Variants in KCNH5 observed in about 807,000 individuals in gnomAD.
KCNH5 encodes the protein potassium voltage-gated channel subfamily H member 5.
Under a neutral mutation model 96.1 loss-of-function variants are expected in KCNH5, and 46 were observed. The ratio of observed to expected loss-of-function variants is 0.48; its 90% CI spans 0.38 to 0.61. The LOEUF is 0.61. KCNH5 is among the 20% of genes least tolerant of loss of function. KCNH5 has a pLI of 0.00. For synonymous variants in KCNH5, 439 were observed against 449.8 expected (o/e 0.98, Z 0.30); for missense variants, 907 against 1,225.8 (o/e 0.74, Z 3.88).
At chr14:62,760,675 A>G (rs1224498525) in intron 10 of KCNH5, among the ~76,000 whole-genome samples, 2 of 152,188 alleles carry the variant, frequency 1.3e-5, no homozygotes, top group Non-Finnish European at 2.9e-5. Flanking sequence ...AAAATGAATG[A>G]CTTTTTCCAA....
chr14:62,932,414 C>G (rs775477754), intron 7 of KCNH5, among the ~76,000 whole-genome samples: 5 of 146,214 alleles, frequency 3.4e-5, no homozygotes, highest in Non-Finnish European at 6.0e-5. Context: ...TTGGAATACA[C>G]GAAAACTTCT....
chr14:63,030,561 T>C lies in KCNH5; in HGVS notation c.74-13607A>G, dbSNP rs181992886. 2.8e-3 allele frequency among the ~76,000 whole-genome samples: 419 copies of C among 152,000 alleles called. 1 individual carries two copies. Among genetic ancestry groups the C allele is most frequent in the African/African-American group, 1.0e-2 (413 of 41,458 alleles). On this transcript the variant is annotated intron_variant, in intron 1 of 10. Transcript: ENST00000322893. ...ATCTTGACTGCACAGTTGAGTGGAG[T>C]GAAAGTTGAGGGAGATTGGAGGGGG...
intron 6 of KCNH5, among the ~76,000 whole-genome samples, chr14:62,971,216 C>A (rs557790718): frequency 2.0e-5 from 3 of 152,054 alleles, no homozygotes; most frequent in East Asian, 3.8e-4. Flanking sequence ...TTTCTGTATA[C>A]CAGCAAGGCA....
At chr14:63,000,856 C>A (rs562098214) in intron 4 of KCNH5, among the ~76,000 whole-genome samples, 2 of 152,310 alleles carry the variant, frequency 1.3e-5, no homozygotes, top group South Asian at 2.1e-4. Flanking sequence ...GGTCAGATAA[C>A]TTGAGCCCAA....
intron 10 of KCNH5, among the ~76,000 whole-genome samples, chr14:62,770,625 T>C (rs1885964474): frequency 6.6e-6 from 1 of 152,168 alleles, no homozygotes; most frequent in Non-Finnish European, 1.5e-5. Context: ...TGGGGACTTT[T>C]TTCTAAGTTT....
chr14:63,003,542 TATATATAG>T (rs1891060381), intron 3 of KCNH5, among the ~76,000 whole-genome samples: 1 of 94,650 alleles, frequency 1.1e-5, no homozygotes, highest in African/African-American at 4.0e-5. Flanking sequence ...TATTATATAT[TATATATAG>T]TATATATTAT....
At chr14:63,016,646 C>T (rs1891331528) in intron 2 of KCNH5, among the ~76,000 whole-genome samples, 185 bp downstream of exon 2, 1 of 152,026 alleles carries the variant, frequency 6.6e-6, no homozygotes, top group Non-Finnish European at 1.5e-5. Context: ...TTTCTTTTGG[C>T]AAAAGTTCTC....
chr14:63,016,951 G>T lies in KCNH5; in HGVS notation c.77C>A (p.Ser26Ter). Residue 26 changes from serine to a stop codon, truncating the protein, a stop_gained, in exon 2 of 11, where the codon TCA (serine) becomes TAA (stop). Transcript: ENST00000322893. LOFTEE classifies it high-confidence loss of function. ...CTGGGCATTTCCCAGTAAGAAACTT[G>T]ATTCTGAAGAAGAAAGGAGAAAAAA... ...LENIVRRSSE[S>*]SFLLGNAQIV... 1 of 1,600,086 alleles carries T rather than the reference G, an allele frequency of 6.2e-7. No homozygotes were observed. Among genetic ancestry groups the T allele is most frequent in the Admixed American group, 1.7e-5 (1 of 57,420 alleles).
intron 7 of KCNH5, among the ~76,000 whole-genome samples, chr14:62,938,958 C>T (rs1201799802): frequency 6.6e-6 from 1 of 152,166 alleles, no homozygotes; most frequent in Non-Finnish European, 1.5e-5. Flanking sequence ...TTTAGAAAAA[C>T]ATATTGGCTG....
chr14:62,901,062 C>T (rs1888915137), intron 7 of KCNH5, among the ~76,000 whole-genome samples: 1 of 152,080 alleles, frequency 6.6e-6, no homozygotes, highest in Non-Finnish European at 1.5e-5. Context: ...GATCTCGGCT[C>T]AATACAACCT....
rs766131657 is a variant in KCNH5 at position 62,708,411 on chromosome 14, C to T, written c.2064G>A (p.Glu688=). ...KISDVKKEEE[E]RLRQKNEVTL... is the part of the protein sequence containing the mutation. ...TCACCTCATTCTTCTGCCGGAGGCG[C>T]TCCTCCTCCTCTTTCTTCACATCAC... is the stretch of plus-strand genomic sequence containing the variant. The change falls in exon 11 of 11, where the codon GAG becomes GAA. Residue 688 remains glutamate (E), a synonymous_variant. Transcript: ENST00000322893. 3.7e-6 allele frequency: 6 copies of T among 1,608,208 alleles called. No homozygotes were observed. The East Asian group carries it at 8.9e-5, about 24-fold the overall frequency.
At chr14:62,945,434 T>C (rs542771835) in intron 7 of KCNH5, among the ~76,000 whole-genome samples, 2 of 152,254 alleles carry the variant, frequency 1.3e-5, no homozygotes, top group East Asian at 3.9e-4. Flanking sequence ...GGACAGAAGA[T>C]CTTCATCACG....
At chr14:62,794,267 A>C (rs1160069794) in intron 9 of KCNH5, among the ~76,000 whole-genome samples, 2 of 152,068 alleles carry the variant, frequency 1.3e-5, no homozygotes, top group African/African-American at 4.8e-5. Flanking sequence ...TTTTTTAAAA[A>C]ATAAAAATAA....
intron 7 of KCNH5, among the ~76,000 whole-genome samples, chr14:62,901,704 T>C (rs1298298512): frequency 6.6e-6 from 1 of 152,248 alleles, no homozygotes; most frequent in African/African-American, 2.4e-5. Context: ...TGCATGTGTC[T>C]TTTTGGTAGA....
intron 8 of KCNH5, among the ~76,000 whole-genome samples, chr14:62,831,178 T>C (rs993584143): frequency 6.6e-6 from 1 of 152,170 alleles, no homozygotes; most frequent in Non-Finnish European, 1.5e-5. Flanking sequence ...TAACAAAACA[T>C]CTCTCTTCCT....
intron 8 of KCNH5, among the ~76,000 whole-genome samples, chr14:62,817,596 ATATC>A (rs1887014660): frequency 6.7e-6 from 1 of 150,334 alleles, no homozygotes; most frequent in Admixed American, 6.7e-5. Context: ...TGTATTTGCT[ATATC>A]TACTATATGT....
chr14:63,006,476 G>A lies in KCNH5; in HGVS notation c.198-4C>T, dbSNP rs967461521. 4 of 1,555,444 alleles carry A rather than the reference G, an allele frequency of 2.6e-6. No homozygotes were observed. Among genetic ancestry groups the A allele is most frequent in the Middle Eastern group, 1.7e-4 (1 of 5,950 alleles). On this transcript the variant is annotated splice_region_variant and splice_polypyrimidine_tract_variant and intron_variant, in intron 2 of 10. Transcript: ENST00000322893. ...AGTCAATTCCCCATACATAAAACTG[G>A]GGGGGAAAAAAAACAAACAATCGAT...
chr14:62,820,579 G>T (rs551682837), intron 8 of KCNH5, among the ~76,000 whole-genome samples: 45 of 152,182 alleles, frequency 3.0e-4, no homozygotes, highest in African/African-American at 1.0e-3. Flanking sequence ...TTATAAGTGA[G>T]AACATGCAGT....
chr14:62,710,190 C>T (rs1049630009), intron 10 of KCNH5, among the ~76,000 whole-genome samples: 3 of 152,152 alleles, frequency 2.0e-5, no homozygotes, highest in Non-Finnish European at 4.4e-5. Context: ...ATTCCCCTTC[C>T]AGGTAAGAGT....
Sources: gnomAD v4.1 joint callset for allele counts (sites outside exome capture counted in the v4.1 genomes callset) on GRCh38, gnomAD v4.1.1 for gene constraint, MANE v1.5 for transcripts, NCBI Gene and HGNC (gene_info 2026-07-23, HGNC 2026-07-21) for gene names.